Variants in MGST1 observed in about 807,000 individuals in gnomAD.
MGST1 encodes the protein glutathione S-transferase 12.
Under a neutral mutation model 8.9 loss-of-function variants are expected in MGST1, and 5 were observed. That is an observed-to-expected ratio of 0.56 (90% CI 0.29 to 1.19). The LOEUF (loss-of-function observed/expected upper bound fraction) is 1.19, where lower values mean the gene tolerates loss of function less well. MGST1 is among the 50% of genes most tolerant of loss of function. The probability of loss-of-function intolerance (pLI) is 0.08; values close to 1 mark genes in which losing one functional copy is unlikely to be tolerated. For synonymous variants in MGST1, 54 were observed against 67.8 expected, an observed-to-expected ratio of 0.80 and a Z score of 1.00; for missense variants, 182 against 187.4, an observed-to-expected ratio of 0.97 and a Z score of 0.17.
At chr12:16,354,105 G>A (rs1006728943) in intron 1 of MGST1, 126 bp from the exon 2 acceptor site, 2 of 718,636 alleles carry the variant, frequency 2.8e-6, no homozygotes, top group Admixed American at 3.8e-5. Context: ...CATTTCTTCT[G>A]CAAATAGTCC....
chr12:16,591,274 T>G (rs1216370929), downstream of MGST1, among the ~76,000 whole-genome samples: 4 of 151,996 alleles, frequency 2.6e-5, no homozygotes, highest in Non-Finnish European at 4.4e-5. This position sits in a 1 kb window ranked among gnomAD's most constrained non-coding sequence, Gnocchi z 4.1. Context: ...TTGTACTGGA[T>G]GTTCCTGAGC....
At chr12:16,402,172 ACT>A in intron 1 of MGST1, 2 of 1,568,444 alleles carry the variant, frequency 1.3e-6, no homozygotes, top group Non-Finnish European at 8.8e-7. Context: ...TGTTTCAAAA[ACT>A]CCACTTTTTT....
At chr12:16,427,352 A>G (rs1940899563) in intron 1 of MGST1, among the ~76,000 whole-genome samples, 1 of 152,212 alleles carries the variant, frequency 6.6e-6, no homozygotes, top group Non-Finnish European at 1.5e-5. Context: ...AATCAATATT[A>G]TAGAAAGCAA....
intron 4 of MGST1, among the ~76,000 whole-genome samples, chr12:16,506,128 C>T (rs1311189261): frequency 6.6e-6 from 1 of 152,020 alleles, no homozygotes; most frequent in Non-Finnish European, 1.5e-5. Context: ...AACAATTTAG[C>T]CTGTTATAGT....
At chr12:16,522,439 T>C (rs2137191335) in intron 4 of MGST1, among the ~76,000 whole-genome samples, 1 of 152,230 alleles carries the variant, frequency 6.6e-6, no homozygotes, top group East Asian at 1.9e-4. Flanking sequence ...GGTTACTGCT[T>C]TTGAGTCTGT....
At chr12:16,444,457 A>G (rs576158662) in intron 4 of MGST1, among the ~76,000 whole-genome samples, 2 of 151,962 alleles carry the variant, frequency 1.3e-5, no homozygotes, top group Admixed American at 6.6e-5. Flanking sequence ...GTGCATAGAC[A>G]TAAGCACCTC....
chr12:16,573,326 A>G (rs1282397402), intron 4 of MGST1, among the ~76,000 whole-genome samples: 2 of 152,224 alleles, frequency 1.3e-5, no homozygotes, highest in Non-Finnish European at 2.9e-5. Flanking sequence ...GAACTCAGAC[A>G]TATTGAATAT....
chr12:16,558,020 G>A (rs1235959388), intron 4 of MGST1, among the ~76,000 whole-genome samples: 3 of 151,988 alleles, frequency 2.0e-5, no homozygotes, highest in African/African-American at 7.2e-5. Context: ...GAAGACATAT[G>A]TGAAGCTCTG....
Position 16,482,702 on chromosome 12 carries a change from G to A in MGST1, n.482+99098G>A, listed in dbSNP as rs1055148714. ...GTAAAAATGCAACAACAAGTTGATT[G>A]TTCTAGAGACAGGTATGTTCTGGAG... On this transcript the variant is annotated intron_variant and non_coding_transcript_variant, in intron 4 of 4. Coordinates refer to the MGST1 transcript ENST00000538857. This position sits in a 1 kb window ranked among gnomAD's most constrained non-coding sequence, Gnocchi z 4.2. Among the ~76,000 whole-genome samples, 4 of 152,038 alleles carry A rather than the reference G, an allele frequency of 2.6e-5. No homozygotes were observed. The highest frequency in any genetic ancestry group is 9.7e-5 in the African/African-American group (4 of 41,376).
rs1942305687 is a variant in MGST1, at chr12:16,559,352, A to AT, written n.483-30174dup. Among the ~76,000 whole-genome samples the AT allele has an allele frequency of 2.0e-5, 3 of 152,194 alleles. No homozygotes were observed. Among genetic ancestry groups the AT allele is most frequent in the Admixed American group, 2.0e-4 (3 of 15,280 alleles). On this transcript the variant is annotated intron_variant and non_coding_transcript_variant, in intron 4 of 4. Coordinates refer to the MGST1 transcript ENST00000538857. The surrounding 1 kb of genome is among the most constrained non-coding windows in gnomAD (Gnocchi z 4.1). Reference sequence around the variant, plus strand: ...ATAACTTTCAATAAGAAAAAATGGAATTAAGTGATAATACTTTTCAGCTGA... The same window carrying AT: ...ATAACTTTCAATAAGAAAAAATGGAATTTAAGTGATAATACTTTTCAGCTGA...
intron 4 of MGST1, among the ~76,000 whole-genome samples, chr12:16,476,823 G>A (rs1179241256): frequency 6.6e-6 from 1 of 152,192 alleles, no homozygotes; most frequent in South Asian, 2.1e-4. Context: ...GACAGGGGTC[G>A]AGGTAATCGA....
chr12:16,505,836 A>C (rs1382954252), intron 4 of MGST1, among the ~76,000 whole-genome samples: 3 of 152,210 alleles, frequency 2.0e-5, no homozygotes, highest in African/African-American at 7.2e-5. Flanking sequence ...CTTAGAAGGC[A>C]GACAACGAAT....
chr12:16,430,400 G>T (rs769084538), intron 1 of MGST1, among the ~76,000 whole-genome samples: 1 of 152,156 alleles, frequency 6.6e-6, no homozygotes, highest in Non-Finnish European at 1.5e-5. Flanking sequence ...ACTTGTGCTA[G>T]ATCCATCAGA....
At position 16,586,241 on chromosome 12, in the gene MGST1, A is replaced by C. The variant is rs1943315432; in HGVS notation, n.483-3287A>C. On this transcript the variant is annotated intron_variant and non_coding_transcript_variant, in intron 4 of 4. Coordinates refer to the MGST1 transcript ENST00000538857. This position sits in a 1 kb window ranked among gnomAD's most constrained non-coding sequence, Gnocchi z 4.3. ...TGACTTCTTAAAACATAAGAATGGA[A>C]AAGCAGCATTTGAAGTTGTAATCTC... is the stretch of plus-strand genomic sequence containing the variant. Among the ~76,000 whole-genome samples, 1 of 152,234 alleles carries C rather than the reference A, an allele frequency of 6.6e-6. No individual in the cohort carries two copies. Among genetic ancestry groups the C allele is most frequent in the Admixed American group, 6.5e-5 (1 of 15,276 alleles).
rs145400192 is a variant in MGST1, at chr12:16,458,129, G to A, written n.482+74525G>A. On this transcript the variant is annotated intron_variant and non_coding_transcript_variant, in intron 4 of 4. Coordinates refer to the MGST1 transcript ENST00000538857. The surrounding 1 kb of genome is among the most constrained non-coding windows in gnomAD (Gnocchi z 4.0). Reference sequence around the variant, plus strand: ...TAAAGAAGTGCAAAAGCGTGAACCCGAGGGTTACTGCATATTAATACTTTG... The same window carrying A: ...TAAAGAAGTGCAAAAGCGTGAACCCAAGGGTTACTGCATATTAATACTTTG... Among the ~76,000 whole-genome samples, 168 of 152,030 alleles carry A rather than the reference G, an allele frequency of 1.1e-3. No homozygotes were observed. Among genetic ancestry groups the A allele is most frequent in the African/African-American group, 3.9e-3 (163 of 41,498 alleles).
intron 4 of MGST1, among the ~76,000 whole-genome samples, chr12:16,543,036 T>C (rs1474670436): frequency 1.3e-5 from 2 of 152,190 alleles, no homozygotes; most frequent in Non-Finnish European, 2.9e-5. Flanking sequence ...GCTTTGTAGA[T>C]ATCTCTACTT....
rs188759389 is a variant in MGST1 at position 16,432,243 on chromosome 12, C to T, written n.779-5145C>T. ...GAAATGTACCTCATGGCAGTGGATCCCAGGCAGTCCAGAGTACCTACATCA... is the reference window on the plus strand; with the variant it reads ...GAAATGTACCTCATGGCAGTGGATCTCAGGCAGTCCAGAGTACCTACATCA... On this transcript the variant is annotated intron_variant and non_coding_transcript_variant, in intron 1 of 1. Coordinates refer to the MGST1 transcript ENST00000359720. 2.2e-4 allele frequency among the ~76,000 whole-genome samples: 34 copies of T among 152,112 alleles called. No homozygotes were observed. The East Asian group carries it at 6.0e-3, about 27-fold the overall frequency.
intron 4 of MGST1, among the ~76,000 whole-genome samples, chr12:16,457,236 T>C (rs941193519): frequency 2.0e-5 from 3 of 151,990 alleles, no homozygotes; most frequent in Non-Finnish European, 4.4e-5. Context: ...ATTACAGTCC[T>C]AAACTCCTTT....
chr12:16,401,551 A>G lies in MGST1; in HGVS notation n.778+17947A>G, dbSNP rs1228475242. The G allele has an allele frequency of 2.7e-6, 3 of 1,110,796 alleles. No individual in the cohort carries two copies. Among genetic ancestry groups the G allele is most frequent in the Non-Finnish European group, 4.1e-6 (3 of 725,682 alleles). The allele number at this position is 1,110,796 out of a possible 1,614,324, so 68.8% of individuals were successfully genotyped here. A position where few individuals can be genotyped will look rare whatever the true frequency, so the allele number is the denominator to read the frequency against. ...TTGAACTTCCTGAGGAGGATCAGCC[A>G]TCAAAGTGCGAACAGGTTGGAGCAA... On this transcript the variant is annotated intron_variant and non_coding_transcript_variant, in intron 1 of 1. Transcript: ENST00000359720. The surrounding 1 kb of genome is among the most constrained non-coding windows in gnomAD (Gnocchi z 4.3).
Sources: gnomAD v4.1 joint callset for allele counts (sites outside exome capture counted in the v4.1 genomes callset) on GRCh38, gnomAD v4.1.1 for gene constraint, Gnocchi (gnomAD v3.1) non-coding constraint, MANE v1.5 for transcripts, NCBI Gene and HGNC (gene_info 2026-07-23, HGNC 2026-07-21) for gene names.